Variants in STEAP1B observed in about 807,000 individuals in gnomAD.
STEAP1B encodes STEAP family member 1B, also known as STEAP family protein MGC87042.
STEAP1B carries 13 observed loss-of-function variants against 27.9 expected under a neutral mutation model. The observed-to-expected ratio is 0.47, with a 90% CI of 0.30 to 0.74. The LOEUF is 0.74. Among genes scored for constraint, STEAP1B ranks in the 30% least tolerant of loss-of-function variants. STEAP1B has a pLI of 0.06. For synonymous variants in STEAP1B, 86 were observed against 107.1 expected, an observed-to-expected ratio of 0.80 and a Z score of 1.22; for missense variants, 250 against 298.7, an observed-to-expected ratio of 0.84 and a Z score of 1.20.
intron 4 of STEAP1B, among the ~76,000 whole-genome samples, chr7:22,473,557 A>G (rs1333615562): frequency 6.6e-6 from 1 of 152,230 alleles, no homozygotes; most frequent in Non-Finnish European, 1.5e-5. Flanking sequence ...GATGACTGAG[A>G]CATTTATTTA....
chr7:22,448,375 C>T (rs548303259), intron 4 of STEAP1B, among the ~76,000 whole-genome samples: 3 of 151,540 alleles, frequency 2.0e-5, no homozygotes, highest in East Asian at 3.9e-4. Context: ...TTTTAAAATA[C>T]ATGAATGATC....
chr7:22,428,168 G>A (rs1785132535), intron 4 of STEAP1B, among the ~76,000 whole-genome samples: 1 of 152,218 alleles, frequency 6.6e-6, no homozygotes, highest in South Asian at 2.1e-4. Flanking sequence ...TCCTGAGAGA[G>A]CTGTCAGCCA....
At chr7:22,483,587 G>A (rs757092229) in intron 4 of STEAP1B, among the ~76,000 whole-genome samples, 8 of 152,086 alleles carry the variant, frequency 5.3e-5, no homozygotes, top group Non-Finnish European at 1.0e-4. Flanking sequence ...ATGTCTTGTC[G>A]CATTTTGGTG....
At chr7:22,491,732 A>T in intron 4 of STEAP1B, among the ~76,000 whole-genome samples, 1 of 152,208 alleles carries the variant, frequency 6.6e-6, no homozygotes, top group Non-Finnish European at 1.5e-5. Context: ...TTGAGATTAT[A>T]GAAAAGTGTG....
chr7:22,499,196 A>G (rs73685813), intron 1 of STEAP1B, among the ~76,000 whole-genome samples: 16,231 of 152,242 alleles, frequency 0.11, 1,069 homozygotes, highest in African/African-American at 0.17. Context: ...TGCTGTACCA[A>G]GATGGCTGCC....
rs575800814 is a variant in STEAP1B at position 22,467,434 on chromosome 7, C to T, written c.762+25131G>A. 1.2e-4 allele frequency among the ~76,000 whole-genome samples: 18 copies of T among 152,284 alleles called. No homozygotes were observed. The South Asian group carries it at 3.3e-3, about 28-fold the overall frequency. On this transcript the variant is annotated intron_variant, in intron 4 of 4. Transcript: ENST00000678116. ...TGTGAGCTGTGCACGTGTGTGTATG[C>T]ATGTTCAACTTCAATATAAACTTTA...
In STEAP1B at chr7:22,492,458, G is replaced by A. The variant is rs1202215831; in HGVS notation, c.762+107C>T. On this transcript the variant is annotated intron_variant, in intron 4 of 4. Transcript: ENST00000678116. ...TAACTGGAACAAGTACAAGATCTTT[G>A]CTGTTGAAAAACATTTGTTATTTTT... The A allele has an allele frequency of 1.4e-5, 20 of 1,399,686 alleles. No individual in the cohort carries two copies. The South Asian group carries it at 1.4e-4, about 10-fold the overall frequency. 86.7% of individuals were successfully genotyped at this position (1,399,686 alleles called of 1,614,324 possible).
chr7:22,467,144 T>C (rs1785799607), intron 4 of STEAP1B, among the ~76,000 whole-genome samples: 1 of 152,234 alleles, frequency 6.6e-6, no homozygotes, highest in South Asian at 2.1e-4. Context: ...ATCCCTTTCT[T>C]GGTTTAGACT....
chr7:22,433,678 C>T (rs1218161829), intron 4 of STEAP1B, among the ~76,000 whole-genome samples: 2 of 152,090 alleles, frequency 1.3e-5, no homozygotes, highest in Admixed American at 6.5e-5. Flanking sequence ...AATTAGGAAG[C>T]GTATATTGGA....
Position 22,425,212 on chromosome 7 carries a change from C to T in STEAP1B, c.763-5376G>A, listed in dbSNP as rs146374898. 1.8e-4 allele frequency among the ~76,000 whole-genome samples: 28 copies of T among 152,248 alleles called. No individual in the cohort carries two copies. The East Asian group carries it at 5.0e-3, about 27-fold the overall frequency. Reference sequence around the variant, plus strand: ...AGTGTCACAATGATTTGGTATGATACATTAAAATTTAACACATGGAACAGA... The same window carrying T: ...AGTGTCACAATGATTTGGTATGATATATTAAAATTTAACACATGGAACAGA... On this transcript the variant is annotated intron_variant, in intron 4 of 4. Transcript: ENST00000678116.
intron 4 of STEAP1B, among the ~76,000 whole-genome samples, chr7:22,463,697 C>T: frequency 2.0e-5 from 3 of 151,474 alleles, no homozygotes; most frequent in Admixed American, 6.6e-5. Flanking sequence ...GAAAAACAAG[C>T]AATGGGGAAA....
chr7:22,488,117 T>C (rs925276789), intron 4 of STEAP1B, among the ~76,000 whole-genome samples: 2 of 152,154 alleles, frequency 1.3e-5, no homozygotes, highest in East Asian at 3.9e-4. Context: ...GGCCAGGCTA[T>C]TGTCCCAGTC....
chr7:22,431,344 G>GA (rs962336216), intron 4 of STEAP1B, among the ~76,000 whole-genome samples: 16 of 151,436 alleles, frequency 1.1e-4, no homozygotes, highest in African/African-American at 2.9e-4. Flanking sequence ...CAGGAAGTGG[G>GA]AAAAAAAAAT....
intron 4 of STEAP1B, among the ~76,000 whole-genome samples, chr7:22,438,089 T>C (rs540189815): frequency 6.6e-6 from 1 of 152,342 alleles, no homozygotes; most frequent in East Asian, 1.9e-4. Context: ...TTTCTTTTGC[T>C]GTGCAGAAGG....
At chr7:22,428,023 T>C (rs1785130567) in intron 4 of STEAP1B, among the ~76,000 whole-genome samples, 1 of 152,322 alleles carries the variant, frequency 6.6e-6, no homozygotes, top group African/African-American at 2.4e-5. Flanking sequence ...GGAGCTTCTG[T>C]AGGGATGGGC....
chr7:22,433,219 C>T (rs2128400355), intron 4 of STEAP1B, among the ~76,000 whole-genome samples: 1 of 152,316 alleles, frequency 6.6e-6, no homozygotes, highest in African/African-American at 2.4e-5. Context: ...GACAGAGAAC[C>T]TGGTAATTTG....
chr7:22,433,687 G>T (rs2128400433), intron 4 of STEAP1B, among the ~76,000 whole-genome samples: 1 of 152,280 alleles, frequency 6.6e-6, no homozygotes, highest in Admixed American at 6.5e-5. Flanking sequence ...GCGTATATTG[G>T]AAGATGTGAA....
chr7:22,445,925 G>A (rs182960598), intron 4 of STEAP1B, among the ~76,000 whole-genome samples: 5 of 152,268 alleles, frequency 3.3e-5, no homozygotes, highest in African/African-American at 4.8e-5. Flanking sequence ...CTGATGAGTC[G>A]GAAACTTGAC....
At chr7:22,449,610 G>A (rs539279997) in intron 4 of STEAP1B, among the ~76,000 whole-genome samples, 125 of 152,208 alleles carry the variant, frequency 8.2e-4, no homozygotes, top group Non-Finnish European at 1.4e-3. Flanking sequence ...ACATGACAGT[G>A]CAGATATCTC....
Sources: gnomAD v4.1 joint callset for allele counts (sites outside exome capture counted in the v4.1 genomes callset) on GRCh38, gnomAD v4.1.1 for gene constraint, MANE v1.5 for transcripts, NCBI Gene and HGNC (gene_info 2026-07-23, HGNC 2026-07-21) for gene names.